GRIN2A: variants seen among roughly 807,000 people sequenced by gnomAD.
GRIN2A encodes the protein glutamate ionotropic receptor NMDA type subunit 2A, also known as glutamate receptor ionotropic, NMDA 2A.
GRIN2A carries 22 observed loss-of-function variants against 113.4 expected under a neutral mutation model. That is an observed-to-expected ratio of 0.19 (90% CI 0.14 to 0.28). The LOEUF (loss-of-function observed/expected upper bound fraction) is 0.28, where lower values mean the gene tolerates loss of function less well. GRIN2A is among the 10% of genes least tolerant of loss of function. The pLI, the probability that GRIN2A is intolerant of heterozygous loss-of-function variation, is 1.00. For synonymous variants in GRIN2A, 827 were observed against 738.4 expected (o/e 1.12, Z -1.94); for missense variants, 1,502 against 1,887.0 (o/e 0.80, Z 3.78).
chr16:10,002,062 G>C (rs571001884), intron 2 of GRIN2A, among the ~76,000 whole-genome samples: 1 of 152,142 alleles, frequency 6.6e-6, no homozygotes, highest in Non-Finnish European at 1.5e-5. Context: ...TACCACTAGA[G>C]AAAAAGCTAT....
rs1224228361 is a variant in GRIN2A at position 10,180,139 on chromosome 16, G to C, written c.273C>G (p.Ser91=). Residue 91 remains serine, a synonymous_variant, in exon 2 of 13, where the codon TCC becomes TCG. Coordinates refer to ENST00000330684, the MANE Select transcript of GRIN2A (RefSeq NM_001134407.3). The surrounding 1 kb of genome is among the most constrained non-coding windows in gnomAD (Gnocchi z 7.0). ...SLITHVCDLM[S]GARIHGLVFG... is the part of the protein sequence containing the mutation. Reference sequence around the variant, plus strand: ...ACACGAGGCCGTGGATGCGTGCCCCGGACATGAGGTCGCACACGTGCGTGA... The same window carrying C: ...ACACGAGGCCGTGGATGCGTGCCCCCGACATGAGGTCGCACACGTGCGTGA... 2 of 1,614,098 alleles carry C rather than the reference G, an allele frequency of 1.2e-6. No homozygotes were observed. The highest frequency in any genetic ancestry group is 1.7e-5 in the Admixed American group (1 of 60,006).
At chr16:9,928,280 C>T (rs558343974) in intron 3 of GRIN2A, among the ~76,000 whole-genome samples, 176 of 152,280 alleles carry the variant, frequency 1.2e-3, no homozygotes, top group African/African-American at 4.0e-3. Context: ...GCCTCTCTTG[C>T]TCCCACCTGG....
At chr16:9,797,023 A>G (rs551047656) in intron 11 of GRIN2A, among the ~76,000 whole-genome samples, 1 of 152,340 alleles carries the variant, frequency 6.6e-6, no homozygotes, top group East Asian at 1.9e-4. Flanking sequence ...AGAATCTAGG[A>G]TTTAACTCTG....
chr16:9,778,809 G>C (rs774273783), intron 11 of GRIN2A, among the ~76,000 whole-genome samples: 1 of 152,180 alleles, frequency 6.6e-6, no homozygotes, highest in Non-Finnish European at 1.5e-5. Context: ...CCCATGTCCA[G>C]TTTATGTCTG....
intron 2 of GRIN2A, among the ~76,000 whole-genome samples, chr16:10,036,688 C>T (rs1464588843): frequency 1.3e-5 from 2 of 151,612 alleles, no homozygotes; most frequent in East Asian, 1.9e-4. Context: ...CCTCGTGATC[C>T]GCCCACCTCG....
rs370596302 is a variant in GRIN2A, at chr16:10,020,498, C to T, written c.415-81947G>A. On this transcript the variant is annotated intron_variant, in intron 2 of 12. Transcript: ENST00000330684. ...AGTTCTGCACGTTATTATTTCAATA[C>T]GAGGTGGGAGTTTAGTGCAGCAGGC... 7.9e-5 allele frequency among the ~76,000 whole-genome samples: 12 copies of T among 152,234 alleles called. No individual in the cohort carries two copies. The South Asian group carries it at 1.2e-3, about 16-fold the overall frequency.
intron 4 of GRIN2A, among the ~76,000 whole-genome samples, chr16:9,872,057 T>C (rs1440696158): frequency 6.6e-6 from 1 of 152,198 alleles, no homozygotes; most frequent in African/African-American, 2.4e-5. Flanking sequence ...GGATTTTGTA[T>C]GAGTTAAGAG....
intron 2 of GRIN2A, among the ~76,000 whole-genome samples, chr16:10,077,196 G>T (rs2047889365): frequency 6.6e-6 from 1 of 152,164 alleles, no homozygotes; most frequent in Non-Finnish European, 1.5e-5. Flanking sequence ...ACACAGCACT[G>T]CACCTTGATT....
chr16:9,940,165 C>G (rs1204727476), intron 2 of GRIN2A, among the ~76,000 whole-genome samples: 1 of 152,012 alleles, frequency 6.6e-6, no homozygotes, highest in Non-Finnish European at 1.5e-5. Flanking sequence ...AAGTTTACAT[C>G]ACTTTCCCTG....
intron 2 of GRIN2A, among the ~76,000 whole-genome samples, chr16:9,988,831 CA>C (rs1239738012): frequency 6.6e-6 from 1 of 152,126 alleles, no homozygotes; most frequent in Non-Finnish European, 1.5e-5. Flanking sequence ...TCCATGCTCC[CA>C]CTTTTGATGG....
Position 9,938,076 on chromosome 16 carries a change from C to T in GRIN2A, c.890G>A (p.Gly297Asp), listed in dbSNP as rs775591257. The change falls in exon 3 of 13, where the codon GGC (glycine) becomes GAC (aspartate). Residue 297 changes from glycine (G) to aspartate (D), a missense_variant. This residue lies in a region of GRIN2A where 334 missense variants were observed against 403.0 expected (regional missense o/e 0.83). Coordinates refer to ENST00000330684, the MANE Select transcript of GRIN2A (RefSeq NM_001134407.3). The part of the protein sequence containing the change: ...SLEARVRDGI[G>D]ILTTAASSML... ...AGAAGATGCAGCGGTGGTTAGGATGCCAATGCCGTCCCTCACTCTCGCCTC... is the reference window on the plus strand; with the variant it reads ...AGAAGATGCAGCGGTGGTTAGGATGTCAATGCCGTCCCTCACTCTCGCCTC... 1.2e-6 allele frequency: 2 copies of T among 1,613,948 alleles called. No individual in the cohort carries two copies. Among genetic ancestry groups the T allele is most frequent in the African/African-American group, 1.3e-5 (1 of 75,042 alleles).
chr16:9,986,088 A>G (rs137900810), intron 2 of GRIN2A, among the ~76,000 whole-genome samples: 4 of 152,302 alleles, frequency 2.6e-5, no homozygotes, highest in East Asian at 1.9e-4. Flanking sequence ...TGATCACACA[A>G]CTTTAAAGGA....
chr16:9,800,390 T>C (rs952518956), intron 10 of GRIN2A, among the ~76,000 whole-genome samples: 1 of 152,134 alleles, frequency 6.6e-6, no homozygotes, highest in African/African-American at 2.4e-5. Flanking sequence ...GAAAACTAAA[T>C]CGGAGATGAC....
intron 2 of GRIN2A, among the ~76,000 whole-genome samples, chr16:10,095,979 A>C (rs955177112): frequency 3.3e-5 from 5 of 152,228 alleles, no homozygotes; most frequent in Admixed American, 3.3e-4. Context: ...TGTAAGCTTG[A>C]AAATATATCT....
chr16:9,902,739 T>C (rs946642978), intron 3 of GRIN2A, among the ~76,000 whole-genome samples: 1 of 151,952 alleles, frequency 6.6e-6, no homozygotes, highest in African/African-American at 2.4e-5. Flanking sequence ...TAATTTTCTC[T>C]CCTCATCTTC....
At position 9,763,270 on chromosome 16, in the gene GRIN2A, G is replaced by A. The variant is rs976259560; in HGVS notation, c.4274C>T (p.Ser1425Leu). ...DSRGHNDVYI[S>L]EHVMPYAANK... ...TGCAGCATAAGGCATAACATGCTCC[G>A]AAATATACACATCATTGTGGCCCCG... The change falls in exon 13 of 13, where the codon TCG (serine) becomes TTG (leucine). Residue 1425 changes from serine to leucine, a missense_variant. Physicochemically the swap from Ser to Leu is moderately radical, Grantham distance 145. Transcript: ENST00000330684. The A allele has an allele frequency of 5.0e-6, 8 of 1,614,090 alleles. No individual in the cohort carries two copies. Among genetic ancestry groups the A allele is most frequent in the South Asian group, 2.2e-5 (2 of 91,074 alleles).
chr16:10,177,869 G>A (rs149076870), intron 2 of GRIN2A, among the ~76,000 whole-genome samples: 1 of 152,246 alleles, frequency 6.6e-6, no homozygotes, highest in Non-Finnish European at 1.5e-5. Flanking sequence ...ACACTCTTCC[G>A]GCTTCTCTCT....
chr16:9,884,030 A>T (rs2043539529), intron 4 of GRIN2A, among the ~76,000 whole-genome samples: 2 of 152,154 alleles, frequency 1.3e-5, no homozygotes, highest in African/African-American at 4.8e-5. Context: ...AAAACTTCAA[A>T]AATCTTTATT....
chr16:10,096,331 A>T (rs1283166497), intron 2 of GRIN2A, among the ~76,000 whole-genome samples: 1 of 152,114 alleles, frequency 6.6e-6, no homozygotes, highest in African/African-American at 2.4e-5. Context: ...GCAGCACCTA[A>T]CCACCCGGAG....
Sources: allele counts gnomAD v4.1 joint callset (sites outside exome capture counted in the v4.1 genomes callset), GRCh38; gene constraint gnomAD v4.1.1; regional missense constraint gnomAD v4.1.1; non-coding constraint Gnocchi (gnomAD v3.1); transcripts MANE v1.5; gene names NCBI Gene and HGNC (gene_info 2026-07-23, HGNC 2026-07-21).